GPC6: variants seen among roughly 807,000 people sequenced by gnomAD.
GPC6 encodes the protein glypican-6.
GPC6 carries 14 observed loss-of-function variants against 55.2 expected under a neutral mutation model. The observed-to-expected ratio is 0.25, with a 90% CI of 0.17 to 0.40. The LOEUF (loss-of-function observed/expected upper bound fraction) is 0.40. GPC6 is among the 10% of genes least tolerant of loss of function. The pLI is 1.00. For synonymous variants in GPC6, 278 were observed against 259.6 expected, an observed-to-expected ratio of 1.07 and a Z score of -0.68; for missense variants, 641 against 708.5, an observed-to-expected ratio of 0.90 and a Z score of 1.08.
At chr13:93,709,711 C>T (rs753496704) in intron 2 of GPC6, among the ~76,000 whole-genome samples, 1 of 151,700 alleles carries the variant, frequency 6.6e-6, no homozygotes, top group African/African-American at 2.4e-5. Flanking sequence ...TGTGTATCTC[C>T]AAACTGGGAC....
At chr13:93,984,269 C>T (rs551426904) in intron 3 of GPC6, among the ~76,000 whole-genome samples, 8 of 152,056 alleles carry the variant, frequency 5.3e-5, no homozygotes, top group Admixed American at 5.2e-4. Context: ...ATTTTTCTTT[C>T]TCTACATGTT....
chr13:94,038,650 T>C (rs73544039), intron 4 of GPC6, among the ~76,000 whole-genome samples: 2,851 of 151,946 alleles, frequency 0.019, 95 homozygotes, highest in African/African-American at 0.063. Context: ...CCTCTTAGCA[T>C]TGTGAGGATT....
intron 2 of GPC6, among the ~76,000 whole-genome samples, chr13:93,700,176 A>G (rs1882618428): frequency 6.6e-6 from 1 of 152,116 alleles, no homozygotes; most frequent in Non-Finnish European, 1.5e-5. Context: ...TTCTCTGTAA[A>G]ATGAAACCAC....
At position 93,661,503 on chromosome 13, in the gene GPC6, C is replaced by G. The variant is rs543202196; in HGVS notation, c.319+116082C>G. ...GTGCTCGTGAGCCACCGTGCTCTGC[C>G]TGTATTACCTTTCTTTTTATCAACT... On this transcript the variant is annotated intron_variant, in intron 2 of 8. Coordinates refer to ENST00000377047, the MANE Select transcript of GPC6 (RefSeq NM_005708.5). 3.3e-5 allele frequency among the ~76,000 whole-genome samples: 5 copies of G among 152,250 alleles called. No homozygotes were observed. The East Asian group carries it at 9.7e-4, about 29-fold the overall frequency.
At chr13:93,665,767 A>T (rs1881105592) in intron 2 of GPC6, among the ~76,000 whole-genome samples, 1 of 152,180 alleles carries the variant, frequency 6.6e-6, no homozygotes, top group South Asian at 2.1e-4. Context: ...GCTTGTGTGG[A>T]TGCAGTGATT....
chr13:93,405,983 G>A (rs1876276931), intron 1 of GPC6, among the ~76,000 whole-genome samples: 2 of 152,158 alleles, frequency 1.3e-5, no homozygotes, highest in South Asian at 4.1e-4. Context: ...TGAGGCTAAG[G>A]CTTTATTGCC....
intron 1 of GPC6, among the ~76,000 whole-genome samples, chr13:93,338,139 C>T (rs531422025): frequency 6.6e-6 from 1 of 152,254 alleles, no homozygotes. Context: ...CTCTTCTATA[C>T]CTATAAATCA....
At position 94,205,752 on chromosome 13, in the gene GPC6, TA is replaced by T. The variant is rs200218986; in HGVS notation, c.878-80596del. ...TTTTCTTTTTTGAGAGCAGGGAGAA[TA>T]CGTTCACTTTTCTTTCATTAAAGAG... On this transcript the variant is annotated intron_variant, in intron 4 of 8. Coordinates refer to ENST00000377047, the MANE Select transcript of GPC6 (RefSeq NM_005708.5). Among the ~76,000 whole-genome samples, 985 of 152,324 alleles carry T rather than the reference TA, an allele frequency of 6.5e-3. 8 individuals carry two copies. Among genetic ancestry groups the T allele is most frequent in the African/African-American group, 0.021 (874 of 41,576 alleles).
At position 93,395,099 on chromosome 13, in the gene GPC6, C is replaced by A. The variant is rs1490738133; in HGVS notation, c.161-150164C>A. On this transcript the variant is annotated intron_variant, in intron 1 of 8. Transcript: ENST00000377047. ...GCCAAAATCATTGCAGATTACACAA[C>A]TTCCAAAGTTGATTCCATCATTACC... 4 of 265,368 alleles carry A rather than the reference C, an allele frequency of 1.5e-5. No homozygotes were observed. The South Asian group carries it at 1.6e-4, about 10-fold the overall frequency. 16.4% of individuals were successfully genotyped at this position (265,368 alleles called of 1,614,324 possible).
At chr13:93,578,834 C>G (rs1296101191) in intron 2 of GPC6, among the ~76,000 whole-genome samples, 1 of 151,690 alleles carries the variant, frequency 6.6e-6, no homozygotes, top group African/African-American at 2.4e-5. Flanking sequence ...TTATAAACTT[C>G]CCTCTCAGTA....
intron 1 of GPC6, among the ~76,000 whole-genome samples, chr13:93,356,908 T>A (rs965392869): frequency 6.6e-6 from 1 of 152,128 alleles, no homozygotes; most frequent in Non-Finnish European, 1.5e-5. Context: ...TAGAACTGAG[T>A]TTGTGCATGA....
intron 4 of GPC6, among the ~76,000 whole-genome samples, chr13:94,226,450 C>T (rs768165604): frequency 1.3e-5 from 2 of 152,036 alleles, no homozygotes; most frequent in Non-Finnish European, 2.9e-5. Flanking sequence ...CACAAAGAAA[C>T]GATAAGTGCT....
intron 1 of GPC6, among the ~76,000 whole-genome samples, chr13:93,250,926 C>T (rs938253434): frequency 6.6e-6 from 1 of 152,158 alleles, no homozygotes; most frequent in African/African-American, 2.4e-5. Context: ...GCTGGGGAGG[C>T]CTCACAATCA....
chr13:93,961,429 A>G (rs1364955751), intron 3 of GPC6, among the ~76,000 whole-genome samples: 1 of 152,236 alleles, frequency 6.6e-6, no homozygotes, highest in African/African-American at 2.4e-5. Context: ...TACATGAAAA[A>G]TCAGTATTTC....
intron 3 of GPC6, among the ~76,000 whole-genome samples, chr13:93,876,891 G>A (rs185072225): frequency 5.5e-4 from 83 of 152,000 alleles, no homozygotes; most frequent in Admixed American, 3.0e-3. Context: ...GTAAGCCTCC[G>A]GTACTCAGGT....
intron 3 of GPC6, among the ~76,000 whole-genome samples, chr13:93,945,894 A>G (rs917797726): frequency 2.0e-5 from 3 of 152,226 alleles, no homozygotes; most frequent in African/African-American, 7.2e-5. Flanking sequence ...TTGGAATTTC[A>G]TTTGTTCACC....
chr13:93,308,009 G>A (rs1878929517), intron 1 of GPC6, among the ~76,000 whole-genome samples: 2 of 152,114 alleles, frequency 1.3e-5, no homozygotes, highest in African/African-American at 2.4e-5. Context: ...CTCAGGCCGG[G>A]CACGGTGGCT....
At chr13:94,118,592 T>C (rs1952486657) in intron 4 of GPC6, among the ~76,000 whole-genome samples, 1 of 152,108 alleles carries the variant, frequency 6.6e-6, no homozygotes, top group Non-Finnish European at 1.5e-5. Context: ...TGCCCTGCAT[T>C]ATTCTTTTCT....
intron 4 of GPC6, among the ~76,000 whole-genome samples, chr13:94,131,423 T>C (rs1886997886): frequency 6.6e-6 from 1 of 152,158 alleles, no homozygotes; most frequent in South Asian, 2.1e-4. Flanking sequence ...TAACTTAAAA[T>C]GACAGATTTA....
Sources: allele counts gnomAD v4.1 joint callset (sites outside exome capture counted in the v4.1 genomes callset), GRCh38; gene constraint gnomAD v4.1.1; transcripts MANE v1.5; gene names NCBI Gene and HGNC (gene_info 2026-07-23, HGNC 2026-07-21).